Variants in CUBN observed in about 807,000 individuals in gnomAD.
CUBN encodes the protein 460 kDa receptor.
In CUBN, 282 loss-of-function variants were observed where a neutral mutation model predicts 405.3. The ratio of observed to expected loss-of-function variants is 0.70; its 90% CI spans 0.63 to 0.77. CUBN has a LOEUF of 0.77. Ranked by LOEUF, CUBN falls within the 30% of genes least tolerant of loss-of-function variation. CUBN has a pLI of 0.00. For synonymous variants in CUBN, 1,684 were observed against 1,617.0 expected (o/e 1.04, Z -0.99); for missense variants, 4,514 against 4,475.2 (o/e 1.01, Z -0.25).
In CUBN at chr10:17,109,690, G is replaced by A. The variant is rs749747767; in HGVS notation, c.1061C>T (p.Ser354Leu). Reference sequence around the variant, plus strand: ...TGGGTGGCAGCCTCCATTACTGACTGAGCAGATGTCTGTGAGTGTGCACAC... The same window carrying A: ...TGGGTGGCAGCCTCCATTACTGACTAAGCAGATGTCTGTGAGTGTGCACAC... ...GRVCTLTDIC[S>L]VSNGGCHPDA... The change falls in exon 10 of 67, where the codon TCA becomes TTA. Residue 354 changes from serine (S) to leucine (L), a missense_variant. By Grantham distance (145) the Ser-to-Leu change is moderately radical. Transcript: ENST00000377833. The A allele has an allele frequency of 9.3e-6, 15 of 1,613,894 alleles. No individual in the cohort carries two copies. Among genetic ancestry groups the A allele is most frequent in the East Asian group, 2.2e-5 (1 of 44,848 alleles).
At chr10:16,946,118 C>T (rs1016650580) in intron 36 of CUBN, among the ~76,000 whole-genome samples, 10 of 152,178 alleles carry the variant, frequency 6.6e-5, no homozygotes, top group Admixed American at 3.9e-4. Context: ...TTAGCAATCC[C>T]AACCACAGCC....
rs182394586 is a variant in CUBN at position 16,986,487 on chromosome 10, A to G, written c.4351-2208T>C. ...TTAATTCCCCCCAGCCATCCGGTAAAGGCCAAAATGAATGAAACGGCTGTT... is the reference window on the plus strand; with the variant it reads ...TTAATTCCCCCCAGCCATCCGGTAAGGGCCAAAATGAATGAAACGGCTGTT... On this transcript the variant is annotated intron_variant, in intron 29 of 66. Transcript: ENST00000377833. Among the ~76,000 whole-genome samples, 212 of 152,290 alleles carry G rather than the reference A, an allele frequency of 1.4e-3. 2 individuals carry two copies. Among genetic ancestry groups the G allele is most frequent in the African/African-American group, 4.2e-3 (174 of 41,544 alleles).
intron 61 of CUBN, 29 bp from the exon 62 acceptor site, chr10:16,840,564 A>G: frequency 1.3e-6 from 2 of 1,521,528 alleles, no homozygotes; most frequent in Non-Finnish European, 1.8e-6. Context: ...GCAACACAGG[A>G]GACATTTTAT....
intron 59 of CUBN, among the ~76,000 whole-genome samples, chr10:16,851,850 C>T (rs1308803253): frequency 4.4e-5 from 6 of 137,818 alleles, no homozygotes; most frequent in Non-Finnish European, 7.8e-5. Context: ...TTCCCTCCCT[C>T]ACTCTCTTTC....
chr10:16,913,739 G>A lies in CUBN; in HGVS notation c.7533+72C>T, dbSNP rs998720727. 5.1e-6 allele frequency: 8 copies of A among 1,578,584 alleles called. No homozygotes were observed. In the South Asian group the frequency reaches 6.7e-5, roughly 13 times the overall value. On this transcript the variant is annotated intron_variant, in intron 48 of 66. Coordinates refer to ENST00000377833, the MANE Select transcript of CUBN (RefSeq NM_001081.4). Reference sequence around the variant, plus strand: ...GGCAATTTTCCTGACCTAGTTTTCTGACTATGATTTATGGGTCGGTAAACT... The same window carrying A: ...GGCAATTTTCCTGACCTAGTTTTCTAACTATGATTTATGGGTCGGTAAACT...
intron 27 of CUBN, among the ~76,000 whole-genome samples, chr10:17,035,683 A>G (rs1286093352): frequency 6.6e-6 from 1 of 152,190 alleles, no homozygotes; most frequent in Non-Finnish European, 1.5e-5. Flanking sequence ...GGTCCTTTGC[A>G]AGAATGTGAA....
chr10:16,919,756 A>G (rs1209694900), intron 44 of CUBN, among the ~76,000 whole-genome samples: 1 of 152,202 alleles, frequency 6.6e-6, no homozygotes, highest in Non-Finnish European at 1.5e-5. Flanking sequence ...TAGGGTCACA[A>G]GGGACAGTAT....
intron 2 of CUBN, among the ~76,000 whole-genome samples, chr10:17,128,632 T>C (rs1008978060): frequency 3.3e-5 from 5 of 152,160 alleles, no homozygotes; most frequent in Non-Finnish European, 7.3e-5. Context: ...TCTGGCACAA[T>C]GAGCTTCTAT....
intron 45 of CUBN, among the ~76,000 whole-genome samples, chr10:16,918,205 T>G (rs1235347849): frequency 6.6e-6 from 1 of 152,224 alleles, no homozygotes; most frequent in African/African-American, 2.4e-5. Flanking sequence ...CCCTGTAGTA[T>G]AGTTTCAAGT....
chr10:17,006,928 A>G (rs1272030881), intron 28 of CUBN, among the ~76,000 whole-genome samples: 2 of 152,180 alleles, frequency 1.3e-5, no homozygotes, highest in Non-Finnish European at 2.9e-5. Context: ...ATCCTGGGTG[A>G]CATCACCTCC....
At chr10:16,957,364 G>C (rs1264391661) in intron 31 of CUBN, among the ~76,000 whole-genome samples, 2 of 152,256 alleles carry the variant, frequency 1.3e-5, no homozygotes, top group East Asian at 3.9e-4. Flanking sequence ...ACAAATGACA[G>C]GATTGTGTTC....
intron 33 of CUBN, among the ~76,000 whole-genome samples, chr10:16,952,067 T>C (rs536259549): frequency 4.6e-5 from 7 of 152,306 alleles, no homozygotes; most frequent in African/African-American, 1.7e-4. Context: ...AAAGAAATTG[T>C]TTTTAAATTT....
chr10:16,956,013 C>A (rs537034035), intron 31 of CUBN, among the ~76,000 whole-genome samples: 1 of 149,442 alleles, frequency 6.7e-6, no homozygotes, highest in African/African-American at 2.5e-5. Context: ...ATAAGAAAAT[C>A]TTGGGGAAAA....
chr10:16,896,058 A>G (rs1033027157), intron 54 of CUBN, among the ~76,000 whole-genome samples: 1 of 152,088 alleles, frequency 6.6e-6, no homozygotes, highest in Non-Finnish European at 1.5e-5. Flanking sequence ...CAATGTGCCT[A>G]TGTGATTATA....
intron 31 of CUBN, among the ~76,000 whole-genome samples, chr10:16,974,128 T>C (rs1833020704): frequency 6.6e-6 from 1 of 152,200 alleles, no homozygotes; most frequent in Admixed American, 6.5e-5. Flanking sequence ...TCATCTATAT[T>C]ATCTCAAATA....
Position 16,839,977 on chromosome 10 carries a change from A to AACACC in CUBN, c.10032+348_10032+352dup, listed in dbSNP as rs1839291716. Among the ~76,000 whole-genome samples the AACACC allele has an allele frequency of 2.0e-5, 3 of 151,212 alleles. No homozygotes were observed. The South Asian group carries it at 6.3e-4, about 32-fold the overall frequency. On this transcript the variant is annotated intron_variant, in intron 62 of 66. Transcript: ENST00000377833. ...AAACTATCGCAAGGACAAAAAACCA[A>AACACC]ACACCGCATATTCTCACTCATAGGT... is the stretch of plus-strand genomic sequence containing the variant.
At chr10:16,934,879 G>A (rs546623593) in intron 39 of CUBN, among the ~76,000 whole-genome samples, 2 of 152,280 alleles carry the variant, frequency 1.3e-5, no homozygotes, top group African/African-American at 4.8e-5. Flanking sequence ...TAACACGAGA[G>A]GAACATGTAG....
intron 59 of CUBN, among the ~76,000 whole-genome samples, chr10:16,868,232 C>T (rs549544152): frequency 6.6e-6 from 1 of 152,260 alleles, no homozygotes; most frequent in East Asian, 1.9e-4. Flanking sequence ...TACAATTTGT[C>T]TTGAGGTGTG....
chr10:16,947,468 AATAG>A (rs1842818671), intron 35 of CUBN, 101 bp from the exon 36 acceptor site: 1 of 1,213,250 alleles, frequency 8.2e-7, no homozygotes, highest in African/African-American at 1.5e-5. Context: ...AATGTAAAAG[AATAG>A]ATAGTATTTC....
Sources: gnomAD v4.1 joint callset for allele counts (sites outside exome capture counted in the v4.1 genomes callset) on GRCh38, gnomAD v4.1.1 for gene constraint, MANE v1.5 for transcripts, NCBI Gene and HGNC (gene_info 2026-07-23, HGNC 2026-07-21) for gene names.